Variants in MAMLD1 observed in about 807,000 individuals in gnomAD.
MAMLD1 encodes mastermind-like domain-containing protein 1.
A neutral mutation model predicts 45.0 loss-of-function variants in MAMLD1; 14 were observed. That is an observed-to-expected ratio of 0.31 (90% CI 0.21 to 0.49). The LOEUF is 0.49. Among genes scored for constraint, MAMLD1 ranks in the 20% least tolerant of loss-of-function variants. The probability of loss-of-function intolerance (pLI) is 0.99; values close to 1 mark genes in which losing one functional copy is unlikely to be tolerated. For synonymous variants in MAMLD1, 254 were observed against 247.8 expected (o/e 1.02, Z -0.24); for missense variants, 543 against 603.6 (o/e 0.90, Z 1.05).
chrX:150,451,304 C>T (rs782182210), intron 2 of MAMLD1, among the ~76,000 whole-genome samples: 1 of 112,127 alleles, frequency 8.9e-6, no homozygotes, highest in East Asian at 2.8e-4. Context: ...TAACAGGTTT[C>T]TGGAGGTGGA....
intron 1 of MAMLD1, among the ~76,000 whole-genome samples, chrX:150,369,781 C>G (rs1373057438): frequency 4.5e-5 from 5 of 111,180 alleles, no homozygotes; most frequent in Non-Finnish European, 9.4e-5. Flanking sequence ...TCCACACACA[C>G]GTGCACCACT....
intron 1 of MAMLD1, among the ~76,000 whole-genome samples, chrX:150,440,964 A>G (rs782259209): frequency 1.9e-5 from 2 of 105,000 alleles, no homozygotes; most frequent in East Asian, 5.6e-4. Flanking sequence ...ATTTAATAAA[A>G]ATTATTAAAT....
intron 3 of MAMLD1, among the ~76,000 whole-genome samples, chrX:150,468,905 A>G (rs2036308509): frequency 9.0e-6 from 1 of 111,647 alleles, no homozygotes; most frequent in Non-Finnish European, 1.9e-5. Flanking sequence ...GTCATCCCAA[A>G]TAAATGACCA....
intron 1 of MAMLD1, among the ~76,000 whole-genome samples, chrX:150,432,351 T>A (rs1421237358): frequency 8.9e-6 from 1 of 112,182 alleles, no homozygotes. Context: ...GAATATTTTG[T>A]CCCATTTCGT....
At chrX:150,404,777 C>G (rs1266645327) in intron 1 of MAMLD1, among the ~76,000 whole-genome samples, 1 of 112,042 alleles carries the variant, frequency 8.9e-6, no homozygotes, top group Admixed American at 9.5e-5. Flanking sequence ...AATAGGGAAT[C>G]CTTTATGCCT....
chrX:150,389,015 C>T (rs2033055295), intron 1 of MAMLD1, among the ~76,000 whole-genome samples: 1 of 111,266 alleles, frequency 9.0e-6, no homozygotes, highest in South Asian at 3.8e-4. Context: ...TCCCACATGT[C>T]TTTATAACTG....
chrX:150,486,482 C>A (rs1224319332), intron 5 of MAMLD1, among the ~76,000 whole-genome samples: 1 of 111,772 alleles, frequency 8.9e-6, no homozygotes, highest in Non-Finnish European at 1.9e-5. Context: ...ATGGGCCAAA[C>A]GAAGCTGCCT....
At chrX:150,426,307 A>G (rs1190522309) in intron 1 of MAMLD1, among the ~76,000 whole-genome samples, 1 of 112,447 alleles carries the variant, frequency 8.9e-6, no homozygotes, top group African/African-American at 3.2e-5. Flanking sequence ...GACTGATGAC[A>G]GTGGCTTGAG....
intron 6 of MAMLD1, chrX:150,505,155 G>A (rs1348358366): frequency 1.6e-6 from 1 of 632,541 alleles, no homozygotes; most frequent in Non-Finnish European, 1.9e-6. Context: ...TTCATTTTGT[G>A]AAGCCCCCAG....
At chrX:150,477,650 TC>T (rs782426495) in intron 5 of MAMLD1, among the ~76,000 whole-genome samples, 12 of 111,578 alleles carry the variant, frequency 1.1e-4, no homozygotes, top group Admixed American at 1.0e-3. Flanking sequence ...AATGTTGTCT[TC>T]TCTTCCCTCT....
chrX:150,364,031 G>T (rs1394264215), intron 1 of MAMLD1, among the ~76,000 whole-genome samples: 6 of 113,087 alleles, frequency 5.3e-5, no homozygotes, highest in African/African-American at 1.9e-4. Context: ...CTGAGCGAGA[G>T]TGTGGAGTGT....
chrX:150,438,986 T>G (rs2035209563), intron 1 of MAMLD1, among the ~76,000 whole-genome samples: 1 of 112,206 alleles, frequency 8.9e-6, no homozygotes, highest in Non-Finnish European at 1.9e-5. Context: ...GGTTCCAATT[T>G]CTTCACCTTC....
intron 1 of MAMLD1, among the ~76,000 whole-genome samples, chrX:150,402,047 C>T (rs1237906208): frequency 8.9e-6 from 1 of 111,755 alleles, no homozygotes; most frequent in African/African-American, 3.3e-5. Flanking sequence ...AAAGTAATGG[C>T]AACAAAAGCC....
rs782624496 is a variant in MAMLD1, at chrX:150,470,168, A to T, written c.595A>T (p.Ile199Leu). 1 of 1,211,894 alleles carries T rather than the reference A, an allele frequency of 8.3e-7. No individual in the cohort carries two copies. Among genetic ancestry groups the T allele is most frequent in the Non-Finnish European group, 1.1e-6 (1 of 895,585 alleles). Residue 199 changes from isoleucine (I) to leucine (L), a missense_variant, in exon 4 of 8, where the codon ATA (isoleucine) becomes TTA (leucine). Physicochemically the swap from Ile to Leu is conservative, Grantham distance 5. Coordinates refer to ENST00000370401, the MANE Select transcript of MAMLD1 (RefSeq NM_005491.5). ...TCCAAATGAGCTAGATCTTGAGAAG[A>T]TACTGGGGACGAAGCCAGAAGAGCC... ...PSPNELDLEK[I>L]LGTKPEEPLV...
intron 5 of MAMLD1, among the ~76,000 whole-genome samples, chrX:150,490,802 A>C (rs1372999376): frequency 8.9e-6 from 1 of 112,009 alleles, no homozygotes; most frequent in Non-Finnish European, 1.9e-5. Context: ...TAGCAAACTC[A>C]ACCCAGCAAC....
At chrX:150,436,236 C>T (rs782809116) in intron 1 of MAMLD1, among the ~76,000 whole-genome samples, 10 of 108,935 alleles carry the variant, frequency 9.2e-5, no homozygotes, top group Non-Finnish European at 1.7e-4. Context: ...TTCAGGGGTT[C>T]TCTGTATTTC....
At position 150,397,911 on chromosome X, in the gene MAMLD1, C is replaced by A. The variant is rs781793036; in HGVS notation, c.-64+34381C>A. On this transcript the variant is annotated intron_variant, in intron 1 of 7. Transcript: ENST00000370401. Reference sequence around the variant, plus strand: ...ATTCAACATCCCCATTAAGAAGTTTCATGGCATATGCTTGGACATATATTT... The same window carrying A: ...ATTCAACATCCCCATTAAGAAGTTTAATGGCATATGCTTGGACATATATTT... Among the ~76,000 whole-genome samples, 3 of 111,216 alleles carry A rather than the reference C, an allele frequency of 2.7e-5. No individual in the cohort carries two copies. The Admixed American group carries it at 2.9e-4, about 11-fold the overall frequency.
intron 6 of MAMLD1, among the ~76,000 whole-genome samples, chrX:150,508,714 G>C (rs1218088039): frequency 8.9e-6 from 1 of 112,564 alleles, no homozygotes; most frequent in African/African-American, 3.2e-5. Flanking sequence ...GAAGCCCTTT[G>C]CTGGAAAAGC....
intron 1 of MAMLD1, among the ~76,000 whole-genome samples, chrX:150,435,495 C>T (rs1557404249): frequency 9.1e-6 from 1 of 110,446 alleles, no homozygotes; most frequent in African/African-American, 3.3e-5. Flanking sequence ...GCCTGGGCAA[C>T]AGAGAGAGAC....
Sources: allele counts gnomAD v4.1 joint callset (sites outside exome capture counted in the v4.1 genomes callset), GRCh38; gene constraint gnomAD v4.1.1; transcripts MANE v1.5; gene names NCBI Gene and HGNC (gene_info 2026-07-23, HGNC 2026-07-21).